TINAG: variants seen among roughly 807,000 people sequenced by gnomAD.
TINAG encodes the protein tubulointerstitial nephritis antigen.
TINAG carries 83 observed loss-of-function variants against 72.7 expected under a neutral mutation model. The ratio of observed to expected loss-of-function variants is 1.14; its 90% CI spans 0.96 to 1.37. TINAG has a LOEUF of 1.37. Among genes scored for constraint, TINAG ranks in the 40% most tolerant of loss-of-function variants. The pLI, the probability that TINAG is intolerant of heterozygous loss-of-function variation, is 0.00. For missense variants in TINAG, 685 were observed against 576.6 expected (o/e 1.19, Z -1.93); for synonymous variants, 234 against 189.9 (o/e 1.23, Z -1.91).
intron 4 of TINAG, among the ~76,000 whole-genome samples, chr6:54,331,490 C>A (rs756400838): frequency 3.3e-5 from 5 of 152,202 alleles, no homozygotes; most frequent in Non-Finnish European, 7.3e-5. Flanking sequence ...GACAAACCCA[C>A]AGCCAATATC....
intron 4 of TINAG, among the ~76,000 whole-genome samples, chr6:54,330,772 A>T (rs115186266): frequency 0.022 from 3,420 of 152,292 alleles, 54 homozygotes; most frequent in Non-Finnish European, 0.033. Flanking sequence ...GGTAAAGGGG[A>T]TAACATCACT....
rs1042578608 is a variant in TINAG, at chr6:54,321,393, G to A, written c.509+7G>A. 5 of 1,597,286 alleles carry A rather than the reference G, an allele frequency of 3.1e-6. No individual in the cohort carries two copies. The highest frequency in any genetic ancestry group is 4.3e-6 in the Non-Finnish European group (5 of 1,165,536). ...TCAATAAAGGAGACTATGGGTGAGA[G>A]AAATCTTGCTTTGTATGTTTCTTGA... On this transcript the variant is annotated splice_region_variant and intron_variant, in intron 3 of 10. Transcript: ENST00000259782.
At chr6:54,363,509 C>T (rs138266116) in intron 9 of TINAG, among the ~76,000 whole-genome samples, 2 of 150,404 alleles carry the variant, frequency 1.3e-5, no homozygotes, top group South Asian at 2.1e-4. Flanking sequence ...AGTGATCCAC[C>T]TTTAGAATTA....
At chr6:54,348,527 C>A (rs1228980851) in intron 6 of TINAG, among the ~76,000 whole-genome samples, 2 of 152,060 alleles carry the variant, frequency 1.3e-5, no homozygotes, top group African/African-American at 4.8e-5. Context: ...CAGGACCAGG[C>A]TGATTTGGTT....
intron 10 of TINAG, among the ~76,000 whole-genome samples, chr6:54,385,372 T>G (rs190718531): frequency 1.3e-5 from 2 of 152,030 alleles, no homozygotes; most frequent in African/African-American, 4.8e-5. Context: ...TAAAAAGTTA[T>G]GCCAGTATAA....
intron 4 of TINAG, among the ~76,000 whole-genome samples, chr6:54,332,202 A>T (rs2150946014): frequency 6.6e-6 from 1 of 152,294 alleles, no homozygotes; most frequent in Non-Finnish European, 1.5e-5. Context: ...GCATCATGCT[A>T]CCTGACTTCA....
chr6:54,310,639 CCTCT>C (rs1325208348), intron 1 of TINAG, among the ~76,000 whole-genome samples: 2 of 143,478 alleles, frequency 1.4e-5, no homozygotes, highest in East Asian at 2.2e-4. Flanking sequence ...TTCCTTCCTC[CCTCT>C]CTTTCTTTCT....
At position 54,380,556 on chromosome 6, in the gene TINAG, G is replaced by A. The variant is rs746570878; in HGVS notation, c.1281G>A (p.Gln427=). Reference sequence around the variant, plus strand: ...GCACACTGAGAGGAGCACAAGGGCAGAAAGAAAAATTTTGGGTATGTAACT... The same window carrying A: ...GCACACTGAGAGGAGCACAAGGGCAAAAAGAAAAATTTTGGGTATGTAACT... ...GWGTLRGAQG[Q]KEKFWIAANS... The change falls in exon 10 of 11, where the codon CAG becomes CAA. Residue 427 remains glutamine (Q), a synonymous_variant. Transcript: ENST00000259782. 1 of 1,610,634 alleles carries A rather than the reference G, an allele frequency of 6.2e-7. No homozygotes were observed. Among genetic ancestry groups the A allele is most frequent in the Non-Finnish European group, 8.5e-7 (1 of 1,177,962 alleles).
At chr6:54,369,641 A>G (rs1763544937) in intron 9 of TINAG, among the ~76,000 whole-genome samples, 1 of 151,968 alleles carries the variant, frequency 6.6e-6, no homozygotes, top group African/African-American at 2.4e-5. Context: ...TTAGAACAGC[A>G]TTAAATAATT....
chr6:54,375,803 C>T (rs562995066), intron 9 of TINAG, among the ~76,000 whole-genome samples: 79 of 152,254 alleles, frequency 5.2e-4, no homozygotes, highest in African/African-American at 1.6e-3. Flanking sequence ...CAACATAAAT[C>T]TTTTGCTTCT....
At position 54,308,689 on chromosome 6, in the gene TINAG, T is replaced by C. The variant is rs767955248; in HGVS notation, c.139T>C (p.Phe47Leu). The C allele has an allele frequency of 6.2e-7, 1 of 1,613,860 alleles. No homozygotes were observed. The highest frequency in any genetic ancestry group is 1.7e-5 in the Admixed American group (1 of 59,946). The change falls in exon 1 of 11, where the codon TTC becomes CTC. Residue 47 changes from phenylalanine to leucine, a missense_variant. Physicochemically the swap from Phe to Leu is conservative, Grantham distance 22. Coordinates refer to ENST00000259782, the MANE Select transcript of TINAG (RefSeq NM_014464.4). ...TCACACCGTTTTGCAAGGTACTCGA[T>C]TCAAAAGAGCCATTTTCCAAGGGCA... Reference protein sequence around the residue: ...RNHTVLQGTRFKRAIFQGQYC... With the variant: ...RNHTVLQGTRLKRAIFQGQYC...
rs192109416 is a variant in TINAG, at chr6:54,317,233, G to A, written c.356-3346G>A. Among the ~76,000 whole-genome samples the A allele has an allele frequency of 1.4e-3, 212 of 149,208 alleles. 1 individual carries two copies. The highest frequency in any genetic ancestry group is 7.5e-3 in the East Asian group (39 of 5,168). ...ACCTCCATCTCTACCATTCTCTCTC[G>A]CTTTCTTGCTCTCTCTTTCTTCTCA... is the stretch of plus-strand genomic sequence containing the variant. On this transcript the variant is annotated intron_variant, in intron 1 of 10. Transcript: ENST00000259782.
intron 9 of TINAG, among the ~76,000 whole-genome samples, chr6:54,361,861 T>G (rs1436654453): frequency 6.6e-6 from 1 of 151,596 alleles, no homozygotes; most frequent in Non-Finnish European, 1.5e-5. Flanking sequence ...ATAGAAAAAG[T>G]TTTAGTGGAC....
chr6:54,380,495 T>C (rs1481271612), intron 9 of TINAG, 31 bp from the exon 10 acceptor site: 6 of 1,588,710 alleles, frequency 3.8e-6, no homozygotes, highest in Non-Finnish European at 5.2e-6. Flanking sequence ...ATTTTAACCA[T>C]ACCAATCTTT....
intron 2 of TINAG, among the ~76,000 whole-genome samples, chr6:54,320,892 T>G (rs1426895580): frequency 6.6e-6 from 1 of 152,194 alleles, no homozygotes; most frequent in Non-Finnish European, 1.5e-5. Context: ...ATACAACAGG[T>G]CTTCATTAAA....
intron 3 of TINAG, 65 bp from the exon 4 acceptor site, chr6:54,326,719 ATATAAAGGAAAATGTATT>A: frequency 3.0e-6 from 3 of 1,002,388 alleles, no homozygotes. Flanking sequence ...AATTTCAGAA[ATATAAAGGAAAATGTATT>A]TATAAAAGTG....
At chr6:54,370,812 C>T (rs907511097) in intron 9 of TINAG, among the ~76,000 whole-genome samples, 1 of 151,974 alleles carries the variant, frequency 6.6e-6, no homozygotes, top group African/African-American at 2.4e-5. Context: ...AATCATGTTG[C>T]CTTGTCTGTC....
Position 54,380,527 on chromosome 6 carries a change from TGGG to T in TINAG, c.1254_1256del (p.Trp418_Gly419delinsCys). 6.2e-7 allele frequency: 1 copy of T among 1,609,214 alleles called. No individual in the cohort carries two copies. The highest frequency in any genetic ancestry group is 1.7e-4 in the Middle Eastern group (1 of 6,032). The stretch of plus-strand genomic sequence containing the variant: ...CTTTATTATTGTTATTAATTGTAGA[TGGG>T]GCACACTGAGAGGAGCACAAGGGCA... On this transcript the variant is annotated inframe_deletion and splice_region_variant, in exon 10 of 11. Transcript: ENST00000259782.
intron 9 of TINAG, among the ~76,000 whole-genome samples, chr6:54,367,975 A>G (rs1763484744): frequency 6.6e-6 from 1 of 151,566 alleles, no homozygotes; most frequent in African/African-American, 2.4e-5. Flanking sequence ...TGAAGATTCC[A>G]CCTTCATCAA....
Sources: gnomAD v4.1 joint callset for allele counts (sites outside exome capture counted in the v4.1 genomes callset) on GRCh38, gnomAD v4.1.1 for gene constraint, MANE v1.5 for transcripts, NCBI Gene and HGNC (gene_info 2026-07-23, HGNC 2026-07-21) for gene names.